Variants in TOP1MT observed in about 807,000 individuals in gnomAD.
The protein encoded by TOP1MT is DNA topoisomerase I mitochondrial.
In TOP1MT, 80 loss-of-function variants were observed where a neutral mutation model predicts 73.9. The ratio of observed to expected loss-of-function variants is 1.08; its 90% confidence interval spans 0.90 to 1.30. TOP1MT has a LOEUF of 1.30. Ranked by LOEUF, TOP1MT falls within the 50% of genes most tolerant of loss-of-function variation. The probability of loss-of-function intolerance (pLI) is 0.00; values close to 1 mark genes in which losing one functional copy is unlikely to be tolerated. For missense variants in TOP1MT, 815 were observed against 808.0 expected, an observed-to-expected ratio of 1.01 and a Z score of -0.10; for synonymous variants, 338 against 326.4, an observed-to-expected ratio of 1.04 and a Z score of -0.38.
In TOP1MT at chr8:143,353,912, C is replaced by T. The variant is rs571045621; in HGVS notation, c.-39+2053G>A. On this transcript the variant is annotated intron_variant, in intron 1 of 5. Transcript: ENST00000518760. ...CCAGGAGGCAGAGGTTGCAGTGAGC[C>T]GAGATCGCGCCACTGCACTCCAGCC... Among the ~76,000 whole-genome samples the T allele has an allele frequency of 4.0e-5, 5 of 125,514 alleles. No individual in the cohort carries two copies. In the South Asian group the frequency reaches 8.1e-4, roughly 20 times the overall value. 82.3% of individuals were successfully genotyped at this position (125,514 alleles called of 152,430 possible). A position where few individuals can be genotyped will look rare whatever the true frequency, so the allele number is the denominator to read the frequency against.
chr8:143,320,815 G>A (rs1451498519), intron 8 of TOP1MT, among the ~76,000 whole-genome samples: 4 of 152,166 alleles, frequency 2.6e-5, no homozygotes, highest in Admixed American at 6.5e-5. Flanking sequence ...CCCCGAGTGT[G>A]GGCGGGATGT....
chr8:143,342,458 T>C (rs1202760481), intron 2 of TOP1MT, among the ~76,000 whole-genome samples: 2 of 135,466 alleles, frequency 1.5e-5, no homozygotes, highest in Admixed American at 7.2e-5. Flanking sequence ...AGAGACAGAG[T>C]CTCGCTCTGT....
Position 143,310,090 on chromosome 8 carries a change from C to A in TOP1MT, c.1681G>T (p.Asp561Tyr). The A allele has an allele frequency of 6.2e-7, 1 of 1,613,302 alleles. No homozygotes were observed. The highest frequency in any genetic ancestry group is 8.5e-7 in the Non-Finnish European group (1 of 1,180,002). The change falls in exon 13 of 14, where the codon GAC becomes TAC. Residue 561 changes from aspartate (D) to tyrosine (Y), a missense_variant. Asp to Tyr is a radical substitution (Grantham distance 160, BLOSUM62 -3). Coordinates refer to ENST00000329245, the MANE Select transcript of TOP1MT (RefSeq NM_052963.3). ...CACCAGGCAATGCTGATCCTGGGGT[C>A]CAGGTAGTTGAGCTTGGACGTGCCC... ...ALGTSKLNYL[D>Y]PRISIAWCKR...
intron 5 of TOP1MT, 33 bp downstream of exon 5, chr8:143,325,313 C>A: frequency 6.4e-7 from 1 of 1,563,186 alleles, no homozygotes; most frequent in Non-Finnish European, 8.7e-7. Flanking sequence ...GGCGGGGGTC[C>A]AGTGCCCGCC....
rs1051230611 is a variant in TOP1MT, at chr8:143,351,012, G to A, written c.-39+4953C>T. 3.9e-5 allele frequency among the ~76,000 whole-genome samples: 6 copies of A among 152,042 alleles called. No homozygotes were observed. The South Asian group carries it at 6.2e-4, about 16-fold the overall frequency. On this transcript the variant is annotated intron_variant, in intron 1 of 5. Coordinates refer to the TOP1MT transcript ENST00000518760. Reference sequence around the variant, plus strand: ...TCCCGCTGGTCGCTTCAGTGAAAACGCCCACCTTGGTATCTGATCGCCTTC... The same window carrying A: ...TCCCGCTGGTCGCTTCAGTGAAAACACCCACCTTGGTATCTGATCGCCTTC...
At chr8:143,331,198 G>A (rs201024812) in intron 2 of TOP1MT, 26 bp downstream of exon 2, 1 of 1,561,716 alleles carries the variant, frequency 6.4e-7, no homozygotes, top group East Asian at 2.3e-5. Context: ...CGCAGGCTGG[G>A]GAGGAGCCGC....
chr8:143,320,728 C>T (rs1019714284), intron 8 of TOP1MT, among the ~76,000 whole-genome samples: 3 of 152,220 alleles, frequency 2.0e-5, no homozygotes, highest in Admixed American at 1.3e-4. Context: ...GAGGCAGAGA[C>T]TGGGATGAGG....
rs2980260 is a variant in TOP1MT at position 143,341,349 on chromosome 8, T to C, written c.29+1871A>G. Among the ~76,000 whole-genome samples, 28,462 of 152,180 alleles carry C rather than the reference T, an allele frequency of 0.19. 4,484 individuals carry two copies. Among genetic ancestry groups the C allele is most frequent in the African/African-American group, 0.43 (17,938 of 41,480 alleles). On this transcript the variant is annotated intron_variant, in intron 2 of 5. Coordinates refer to the TOP1MT transcript ENST00000518007. The surrounding 1 kb of genome is among the most constrained non-coding windows in gnomAD (Gnocchi z 4.1). ...CACCGCCTGCAGGGCCATGCCCTTC[T>C]ATCTCTTCTCTTGGGTGTCAGGACC...
chr8:143,349,226 C>T (rs572636891), upstream of TOP1MT, among the ~76,000 whole-genome samples: 856 of 152,252 alleles, frequency 5.6e-3, 5 homozygotes, highest in Non-Finnish European at 8.8e-3. Context: ...TTGAGCTTTT[C>T]CTACCACACC....
chr8:143,349,798 G>A (rs1202410761), upstream of TOP1MT, among the ~76,000 whole-genome samples: 1 of 151,926 alleles, frequency 6.6e-6, no homozygotes, highest in Non-Finnish European at 1.5e-5. Flanking sequence ...TCACCACCAC[G>A]CCCAGATAAT....
Position 143,310,198 on chromosome 8 carries a change from G to T in TOP1MT, c.1573C>A (p.Arg525=). The T allele has an allele frequency of 3.2e-6, 5 of 1,580,630 alleles. No homozygotes were observed. The highest frequency in any genetic ancestry group is 4.3e-6 in the Non-Finnish European group (5 of 1,163,540). ...KSRSVLEKKR[R]LLEKLQEQLA... is the part of the protein sequence containing the mutation. ...TGCTCCTGCAGCTTCTCCAGGAGCC[G>T]CCTCTTCTTCTCCAGGACACTGGCA... Residue 525 remains arginine (R), a synonymous_variant, in exon 13 of 14, where the codon CGG becomes AGG. Coordinates refer to ENST00000329245, the MANE Select transcript of TOP1MT (RefSeq NM_052963.3).
intron 5 of TOP1MT, 29 bp from the exon 6 acceptor site, chr8:143,324,658 C>T: frequency 6.2e-7 from 1 of 1,608,068 alleles, no homozygotes; most frequent in Non-Finnish European, 8.5e-7. Context: ...CCAAACATAA[C>T]TTGGAGACCT....
chr8:143,322,254 G>A (rs1327581708), intron 7 of TOP1MT, among the ~76,000 whole-genome samples: 1 of 16,604 alleles, frequency 6.0e-5, no homozygotes, highest in Non-Finnish European at 9.3e-5. Flanking sequence ...ACACACGCAC[G>A]CCACACACAC....
intron 7 of TOP1MT, 25 bp downstream of exon 7, chr8:143,323,974 G>A (rs374704852): frequency 3.6e-5 from 58 of 1,609,528 alleles, no homozygotes; most frequent in Admixed American, 5.0e-5. Flanking sequence ...ATGAAGAGCC[G>A]CCAGGAAGCG....
At chr8:143,310,024 C>T in intron 13 of TOP1MT, 44 bp downstream of exon 13, 1 of 1,603,164 alleles carries the variant, frequency 6.2e-7, no homozygotes, top group Non-Finnish European at 8.5e-7. Flanking sequence ...AACCCAGGCC[C>T]CCCATAGGCC....
chr8:143,339,840 C>A (rs1817043949), upstream of TOP1MT, among the ~76,000 whole-genome samples: 2 of 150,108 alleles, frequency 1.3e-5, no homozygotes, highest in African/African-American at 5.0e-5. Flanking sequence ...CAGCATTCCC[C>A]CCGTCCCAGC....
At chr8:143,322,947 A>ACACG (rs1445674153) in intron 7 of TOP1MT, among the ~76,000 whole-genome samples, 6 of 43,934 alleles carry the variant, frequency 1.4e-4, no homozygotes, top group African/African-American at 6.5e-4. Flanking sequence ...GGCACGCCAC[A>ACACG]CACGCCACAC....
At chr8:143,329,611 G>T in intron 2 of TOP1MT, 140 bp from the exon 3 acceptor site, 1 of 1,035,942 alleles carries the variant, frequency 9.7e-7, no homozygotes, top group Non-Finnish European at 1.4e-6. Flanking sequence ...TGTAAGTTCA[G>T]AAGCATGTTC....
chr8:143,341,316 C>T lies in TOP1MT; in HGVS notation c.29+1904G>A, dbSNP rs1449590148. Among the ~76,000 whole-genome samples, 2 of 152,204 alleles carry T rather than the reference C, an allele frequency of 1.3e-5. No homozygotes were observed. The highest frequency in any genetic ancestry group is 2.9e-5 in the Non-Finnish European group (2 of 68,028). On this transcript the variant is annotated intron_variant, in intron 2 of 5. Coordinates refer to the TOP1MT transcript ENST00000518007. The surrounding 1 kb of genome is among the most constrained non-coding windows in gnomAD (Gnocchi z 4.1). ...CAGGTCCTCTTCCAGAGCCCCCTTC[C>T]GGCTGGGCACCGCCTGCAGGGCCAT...
Sources: gnomAD v4.1 joint callset for allele counts (sites outside exome capture counted in the v4.1 genomes callset) on GRCh38, gnomAD v4.1.1 for gene constraint, Gnocchi (gnomAD v3.1) non-coding constraint, MANE v1.5 for transcripts, NCBI Gene and HGNC (gene_info 2026-07-23, HGNC 2026-07-21) for gene names.